Variants in NYAP2 observed in about 807,000 individuals in gnomAD.
The protein encoded by NYAP2 is neuronal tyrosine-phosphorylated phosphoinositide-3-kinase adapter 2.
NYAP2 carries 23 observed loss-of-function variants against 50.4 expected under a neutral mutation model. The ratio of observed to expected loss-of-function variants is 0.46; its 90% CI spans 0.33 to 0.65. The LOEUF is 0.65. Among genes scored for constraint, NYAP2 ranks in the 30% least tolerant of loss-of-function variants. NYAP2 has a pLI of 0.02. For synonymous variants in NYAP2, 394 were observed against 365.2 expected (o/e 1.08, Z -0.90); for missense variants, 885 against 861.0 (o/e 1.03, Z -0.35).
Position 225,421,114 on chromosome 2 carries a change from T to C in NYAP2, c.221+12013T>C, listed in dbSNP as rs372697382. Reference sequence around the variant, plus strand: ...ATGGTAGAGAAGGGATCTCACTATGTTGCCCAGGCTGGCCTTGAAGTCCCA... The same window carrying C: ...ATGGTAGAGAAGGGATCTCACTATGCTGCCCAGGCTGGCCTTGAAGTCCCA... On this transcript the variant is annotated intron_variant, in intron 3 of 6. Transcript: ENST00000636099. Among the ~76,000 whole-genome samples, 26 of 152,150 alleles carry C rather than the reference T, an allele frequency of 1.7e-4. No homozygotes were observed. In the East Asian group the frequency reaches 3.3e-3, roughly 19 times the overall value.
chr2:225,481,904 G>T (rs1690212274), intron 3 of NYAP2, among the ~76,000 whole-genome samples: 1 of 152,030 alleles, frequency 6.6e-6, no homozygotes, highest in Non-Finnish European at 1.5e-5. Flanking sequence ...TTGTGATTTA[G>T]TTGAGAGAGA....
intron 4 of NYAP2, among the ~76,000 whole-genome samples, chr2:225,529,679 G>A (rs769229775): frequency 1.3e-5 from 2 of 150,334 alleles, no homozygotes; most frequent in Admixed American, 6.6e-5. Context: ...CTTCATTCTC[G>A]TCTTTCCAAC....
intron 4 of NYAP2, among the ~76,000 whole-genome samples, 179 bp downstream of exon 4, chr2:225,513,851 A>C (rs1310155653): frequency 6.6e-6 from 1 of 152,238 alleles, no homozygotes; most frequent in Non-Finnish European, 1.5e-5. Flanking sequence ...AAATTTCCAG[A>C]AGAATGTATT....
intron 3 of NYAP2, among the ~76,000 whole-genome samples, chr2:225,487,373 T>C (rs1185763924): frequency 2.0e-5 from 3 of 152,130 alleles, no homozygotes; most frequent in South Asian, 2.1e-4. Context: ...TCTTTTTTTT[T>C]TTCCATGTCA....
At chr2:225,676,098 T>C in the NYAP2 span, among the ~76,000 whole-genome samples, 7 of 152,188 alleles carry the variant, frequency 4.6e-5, no homozygotes, top group African/African-American at 1.7e-4. Context: ...TCTCATTCTA[T>C]ATGCTGTATG....
intron 3 of NYAP2, among the ~76,000 whole-genome samples, chr2:225,488,240 G>T (rs1427483586): frequency 1.3e-5 from 2 of 152,172 alleles, no homozygotes; most frequent in Non-Finnish European, 2.9e-5. Flanking sequence ...AGTCATAAGT[G>T]CCAGGAAAAG....
intron 3 of NYAP2, among the ~76,000 whole-genome samples, chr2:225,472,708 C>G (rs893322002): frequency 6.6e-6 from 1 of 152,094 alleles, no homozygotes; most frequent in Non-Finnish European, 1.5e-5. Flanking sequence ...TTGTTCAAAA[C>G]TGTTTCAGTA....
chr2:225,678,941 G>T, the NYAP2 span, among the ~76,000 whole-genome samples: 4 of 152,140 alleles, frequency 2.6e-5, no homozygotes, highest in Non-Finnish European at 4.4e-5. Context: ...GAGTCCTAAA[G>T]AATAGAGGAT....
chr2:225,533,471 G>A (rs368962193), intron 4 of NYAP2, among the ~76,000 whole-genome samples: 15 of 152,172 alleles, frequency 9.9e-5, no homozygotes, highest in East Asian at 9.6e-4. Flanking sequence ...TGGAGTGCTT[G>A]AGCTCGGGAG....
intron 3 of NYAP2, among the ~76,000 whole-genome samples, chr2:225,508,748 T>A (rs1016643533): frequency 5.3e-5 from 8 of 152,200 alleles, no homozygotes; most frequent in African/African-American, 1.9e-4. Flanking sequence ...AGTAATCAGG[T>A]GTAATACCTC....
intron 3 of NYAP2, among the ~76,000 whole-genome samples, chr2:225,433,461 T>A (rs2106135381): frequency 6.6e-6 from 1 of 152,094 alleles, no homozygotes; most frequent in South Asian, 2.1e-4. Flanking sequence ...AATTTATAGG[T>A]AACCATAAAT....
intron 4 of NYAP2, among the ~76,000 whole-genome samples, chr2:225,568,604 T>G (rs1692004100): frequency 2.0e-5 from 3 of 152,216 alleles, no homozygotes; most frequent in Admixed American, 2.0e-4. Context: ...GATATTCTAG[T>G]CACTTTACCC....
upstream of NYAP2, among the ~76,000 whole-genome samples, chr2:225,398,352 G>A (rs997143063): frequency 1.4e-4 from 21 of 151,980 alleles, no homozygotes; most frequent in African/African-American, 4.3e-4. Flanking sequence ...GCTCTCCATA[G>A]TTCAAAATAT....
downstream of NYAP2, among the ~76,000 whole-genome samples, chr2:225,657,645 T>TAA (rs1043650419): frequency 4.0e-5 from 6 of 148,512 alleles, no homozygotes; most frequent in Non-Finnish European, 7.5e-5. Flanking sequence ...CAAAACACCG[T>TAA]AAAATGTAAG....
chr2:225,422,586 A>T (rs756784362), intron 3 of NYAP2, among the ~76,000 whole-genome samples: 2 of 152,148 alleles, frequency 1.3e-5, no homozygotes, highest in Non-Finnish European at 2.9e-5. Context: ...CTGTGAACCG[A>T]TCTATTATTA....
intron 6 of NYAP2, among the ~76,000 whole-genome samples, chr2:225,629,824 C>T (rs186568743): frequency 6.6e-6 from 1 of 152,308 alleles, no homozygotes; most frequent in East Asian, 1.9e-4. Flanking sequence ...CATGAAGACT[C>T]ACCCACATGA....
At chr2:225,551,809 A>G (rs34936493) in intron 4 of NYAP2, among the ~76,000 whole-genome samples, 2,009 of 152,234 alleles carry the variant, frequency 0.013, 18 homozygotes, top group Non-Finnish European at 0.019. Flanking sequence ...TTATGTGGGC[A>G]TTAATTGCTT....
At chr2:225,542,480 G>A (rs185923533) in intron 4 of NYAP2, among the ~76,000 whole-genome samples, 97 of 152,076 alleles carry the variant, frequency 6.4e-4, no homozygotes, top group Admixed American at 2.2e-3. Flanking sequence ...AAATCATTAA[G>A]GAATGTTGAA....
intron 4 of NYAP2, among the ~76,000 whole-genome samples, chr2:225,527,966 C>T (rs1386559305): frequency 6.6e-6 from 1 of 152,140 alleles, no homozygotes; most frequent in Non-Finnish European, 1.5e-5. Context: ...TTCTTATTAA[C>T]TCAGAGTCAA....
Sources: gnomAD v4.1 joint callset for allele counts (sites outside exome capture counted in the v4.1 genomes callset) on GRCh38, gnomAD v4.1.1 for gene constraint, MANE v1.5 for transcripts, NCBI Gene and HGNC (gene_info 2026-07-23, HGNC 2026-07-21) for gene names.